CDH13: variants seen among roughly 807,000 people sequenced by gnomAD.
CDH13 encodes cadherin-13.
CDH13 carries 24 observed loss-of-function variants against 63.8 expected under a neutral mutation model. That is an observed-to-expected ratio of 0.38 (90% confidence interval 0.27 to 0.53). The LOEUF is 0.53. CDH13 is among the 20% of genes least tolerant of loss of function. CDH13 has a pLI of 0.85. For missense variants in CDH13, 1,049 were observed against 903.1 expected, an observed-to-expected ratio of 1.16 and a Z score of -2.07; for synonymous variants, 503 against 355.3, an observed-to-expected ratio of 1.42 and a Z score of -4.67.
chr16:83,542,855 G>T (rs1368496678), intron 7 of CDH13, among the ~76,000 whole-genome samples: 1 of 152,178 alleles, frequency 6.6e-6, no homozygotes, highest in Non-Finnish European at 1.5e-5. Context: ...CCGTGCTCAT[G>T]ACCTCATTTT....
chr16:82,809,023 T>A (rs543309500), intron 1 of CDH13, among the ~76,000 whole-genome samples: 2 of 152,130 alleles, frequency 1.3e-5, no homozygotes, highest in Non-Finnish European at 2.9e-5. Context: ...GTTATATATA[T>A]GATTGTGAAC....
chr16:82,963,364 A>G (rs538085475), intron 2 of CDH13, among the ~76,000 whole-genome samples: 3 of 152,180 alleles, frequency 2.0e-5, no homozygotes, highest in African/African-American at 7.2e-5. Flanking sequence ...GGGCAACAAG[A>G]GTGAAACTCT....
intron 7 of CDH13, among the ~76,000 whole-genome samples, chr16:83,524,368 C>G (rs1262955526): frequency 6.6e-6 from 1 of 151,130 alleles, no homozygotes; most frequent in Non-Finnish European, 1.5e-5. Context: ...ATTGTAGGAG[C>G]AGGAAGTTCA....
intron 5 of CDH13, among the ~76,000 whole-genome samples, chr16:83,316,184 C>T (rs370159294): frequency 1.1e-4 from 17 of 152,232 alleles, no homozygotes; most frequent in African/African-American, 3.6e-4. Context: ...CATGGGGGAA[C>T]CACCCCCATG....
rs1383889228 is a variant in CDH13, at chr16:83,014,760, ATATATATATATATATG to A, written c.158-17236_158-17221del. 1.8e-3 allele frequency among the ~76,000 whole-genome samples: 99 copies of A among 55,016 alleles called. 1 individual carries two copies. Among genetic ancestry groups the A allele is most frequent in the East Asian group, 3.3e-3 (6 of 1,844 alleles). 36.1% of individuals were successfully genotyped at this position (55,016 alleles called of 152,430 possible). On this transcript the variant is annotated intron_variant, in intron 2 of 13. Transcript: ENST00000567109. ...AAAAAAAAAATATATATATATATATATATATATATATATATGTATATATATATATTTGTATATATAT... is the reference window on the plus strand; with the variant it reads ...AAAAAAAAAATATATATATATATATATATATATATATATTTGTATATATAT...
intron 5 of CDH13, among the ~76,000 whole-genome samples, chr16:83,342,217 G>A (rs989552927): frequency 1.3e-5 from 2 of 152,064 alleles, no homozygotes; most frequent in South Asian, 2.1e-4. Flanking sequence ...CTACAGTATT[G>A]GGTAGTGAAG....
intron 6 of CDH13, among the ~76,000 whole-genome samples, chr16:83,376,227 G>C (rs1196422848): frequency 6.6e-6 from 1 of 152,126 alleles, no homozygotes; most frequent in Non-Finnish European, 1.5e-5. Flanking sequence ...TAAAGTTTTA[G>C]GTATGCCTCT....
intron 7 of CDH13, among the ~76,000 whole-genome samples, chr16:83,570,402 G>T (rs1478066167): frequency 1.3e-5 from 2 of 152,088 alleles, no homozygotes; most frequent in Non-Finnish European, 2.9e-5. Context: ...TGCCCCACAA[G>T]ATGATGTCTT....
chr16:83,535,652 T>C (rs1258983946), intron 7 of CDH13, among the ~76,000 whole-genome samples: 1 of 152,198 alleles, frequency 6.6e-6, no homozygotes, highest in Non-Finnish European at 1.5e-5. Context: ...GAGCCAACTG[T>C]GCAGTCCTGG....
intron 7 of CDH13, among the ~76,000 whole-genome samples, chr16:83,568,264 G>A (rs1262484246): frequency 6.6e-6 from 1 of 152,148 alleles, no homozygotes; most frequent in East Asian, 1.9e-4. Context: ...GAAGCCACGA[G>A]TTTGGCCTTT....
chr16:83,251,945 C>T (rs1015264498), intron 5 of CDH13, among the ~76,000 whole-genome samples: 3 of 151,980 alleles, frequency 2.0e-5, no homozygotes, highest in African/African-American at 7.3e-5. Flanking sequence ...GGGAGTGCCT[C>T]TTTCTAATCC....
chr16:82,910,754 A>G (rs985180226), intron 2 of CDH13, among the ~76,000 whole-genome samples: 1 of 152,158 alleles, frequency 6.6e-6, no homozygotes, highest in African/African-American at 2.4e-5. Flanking sequence ...ACAGTGTTTA[A>G]AAGGATTACC....
At chr16:83,466,977 A>G (rs1459049386) in intron 6 of CDH13, among the ~76,000 whole-genome samples, 2 of 152,118 alleles carry the variant, frequency 1.3e-5, no homozygotes, top group Non-Finnish European at 2.9e-5. Context: ...TCCTCCTGAT[A>G]GTCTCTGCTT....
intron 1 of CDH13, among the ~76,000 whole-genome samples, chr16:82,672,211 G>A (rs118030096): frequency 0.04 from 6,124 of 152,256 alleles, 173 homozygotes; most frequent in Non-Finnish European, 0.057. Flanking sequence ...GAATAAAATA[G>A]AAATAATAAC....
Position 83,133,092 on chromosome 16 carries a change from C to T in CDH13, c.483+7591C>T, listed in dbSNP as rs1199379830. Among the ~76,000 whole-genome samples the T allele has an allele frequency of 2.6e-5, 4 of 152,308 alleles. No individual in the cohort carries two copies. The South Asian group carries it at 6.2e-4, about 24-fold the overall frequency. ...ATGGTACCCACTAACCACATGTGGT[C>T]AATGCAGTTATAAAGTCTTTACTAA... On this transcript the variant is annotated intron_variant, in intron 4 of 13. Transcript: ENST00000567109.
chr16:83,689,520 G>C (rs1374019781), intron 10 of CDH13, among the ~76,000 whole-genome samples: 4 of 152,140 alleles, frequency 2.6e-5, no homozygotes. Flanking sequence ...CACAGGCAGT[G>C]AGTCATGTAA....
At chr16:83,636,560 T>G (rs1410749087) in intron 8 of CDH13, among the ~76,000 whole-genome samples, 1 of 152,194 alleles carries the variant, frequency 6.6e-6, no homozygotes, top group South Asian at 2.1e-4. Context: ...TTCTGTTCAT[T>G]AAGACAAAAG....
intron 6 of CDH13, among the ~76,000 whole-genome samples, chr16:83,452,818 T>C (rs142841970): frequency 1.3e-5 from 2 of 152,110 alleles, no homozygotes; most frequent in African/African-American, 4.8e-5. Context: ...ATACTGGAGG[T>C]GGGTTTTGGA....
intron 3 of CDH13, among the ~76,000 whole-genome samples, chr16:83,110,341 C>G (rs535282677): frequency 6.6e-6 from 1 of 152,298 alleles, no homozygotes; most frequent in East Asian, 1.9e-4. Flanking sequence ...CTTGTGTTAA[C>G]CACACAACAG....
Sources: allele counts gnomAD v4.1 joint callset (sites outside exome capture counted in the v4.1 genomes callset), GRCh38; gene constraint gnomAD v4.1.1; transcripts MANE v1.5; gene names NCBI Gene and HGNC (gene_info 2026-07-23, HGNC 2026-07-21).